The following PARN variants were observed in gnomAD, a reference collection of about 807,000 sequenced individuals.
PARN encodes the protein poly(A)-specific ribonuclease PARN.
PARN carries 71 observed loss-of-function variants against 102.8 expected under a neutral mutation model. The ratio of observed to expected loss-of-function variants is 0.69; its 90% CI spans 0.57 to 0.84. The LOEUF (loss-of-function observed/expected upper bound fraction) is 0.84. Ranked by LOEUF, PARN falls within the 40% of genes least tolerant of loss-of-function variation. The pLI is 0.00. For missense variants in PARN, 782 were observed against 760.9 expected (o/e 1.03, Z -0.33); for synonymous variants, 261 against 252.9 (o/e 1.03, Z -0.30).
rs528230528 is a variant in PARN at position 14,514,986 on chromosome 16, G to C, written c.1481-32159C>G. Among the ~76,000 whole-genome samples, 18 of 152,328 alleles carry C rather than the reference G, an allele frequency of 1.2e-4. No homozygotes were observed. The East Asian group carries it at 2.3e-3, about 20-fold the overall frequency. On this transcript the variant is annotated intron_variant, in intron 21 of 23. Transcript: ENST00000437198. ...TTCCATCATGTAACTTCTCTGTGGG[G>C]AGTAACACAGTATGTGGCCCAAAGA...
chr16:14,629,390 T>C (rs1045190803), intron 2 of PARN, among the ~76,000 whole-genome samples: 1 of 152,254 alleles, frequency 6.6e-6, no homozygotes, highest in African/African-American at 2.4e-5. Flanking sequence ...TCTGAGATCC[T>C]GAGTCCAATC....
chr16:14,472,353 T>C (rs1178569823), intron 22 of PARN, among the ~76,000 whole-genome samples: 1 of 152,220 alleles, frequency 6.6e-6, no homozygotes, highest in Non-Finnish European at 1.5e-5. Flanking sequence ...AACAGGCTGA[T>C]CCTTTCTTAC....
chr16:14,597,884 C>T (rs184226756), intron 12 of PARN, among the ~76,000 whole-genome samples: 2 of 152,270 alleles, frequency 1.3e-5, no homozygotes, highest in African/African-American at 4.8e-5. Context: ...TGGCTCACAC[C>T]TGTAAACCCA....
intron 11 of PARN, 64 bp downstream of exon 11, chr16:14,604,078 TAGAC>T (rs758646663): frequency 2.2e-6 from 2 of 916,922 alleles, no homozygotes; most frequent in Middle Eastern, 2.1e-4. Context: ...TGATCTGAAA[TAGAC>T]AGGAATAAAT....
intron 22 of PARN, among the ~76,000 whole-genome samples, chr16:14,447,940 AT>A (rs1567285028): frequency 2.6e-4 from 8 of 31,076 alleles, no homozygotes; most frequent in Non-Finnish European, 6.0e-4. Flanking sequence ...TTTAAATTTT[AT>A]CTATCTATCT....
Position 14,627,004 on chromosome 16 carries a change from G to C in PARN, c.327+102C>G. 5 of 697,304 alleles carry C rather than the reference G, an allele frequency of 7.2e-6. No individual in the cohort carries two copies. The South Asian group carries it at 8.3e-5, about 12-fold the overall frequency. The allele number at this position is 697,304 out of a possible 1,614,324, so 43.2% of individuals were successfully genotyped here. ...CTGAAGGTCAAAGGTGAAATGATTT[G>C]CCCCAAAGCCCAAAGTTAATAGAGA... On this transcript the variant is annotated intron_variant, in intron 5 of 23. Transcript: ENST00000437198.
chr16:14,529,468 C>T (rs1966199033), intron 21 of PARN, among the ~76,000 whole-genome samples: 1 of 152,186 alleles, frequency 6.6e-6, no homozygotes. Context: ...GGAATAGTAA[C>T]TGTAGGTCAC....
chr16:14,592,408 T>C (rs766359410), intron 13 of PARN, among the ~76,000 whole-genome samples: 10 of 151,904 alleles, frequency 6.6e-5, no homozygotes, highest in Admixed American at 1.3e-4. Context: ...GTGAGATCAC[T>C]AAAAGACAAA....
At chr16:14,442,878 G>A (rs1489969492) in intron 23 of PARN, among the ~76,000 whole-genome samples, 2 of 152,240 alleles carry the variant, frequency 1.3e-5, no homozygotes, top group Non-Finnish European at 2.9e-5. Flanking sequence ...ACCATGCCCA[G>A]CCCGCTTGGA....
chr16:14,521,385 G>C (rs952682614), intron 21 of PARN, among the ~76,000 whole-genome samples: 4 of 152,166 alleles, frequency 2.6e-5, no homozygotes, highest in African/African-American at 9.7e-5. Flanking sequence ...GCAAATCTCT[G>C]ACATGTGGTA....
At chr16:14,457,284 G>A (rs1026821167) in intron 22 of PARN, among the ~76,000 whole-genome samples, 3 of 152,120 alleles carry the variant, frequency 2.0e-5, no homozygotes, top group African/African-American at 7.2e-5. Context: ...ACCTCACACA[G>A]CAAAATGAAC....
intron 5 of PARN, among the ~76,000 whole-genome samples, chr16:14,626,166 A>C (rs1972645320): frequency 6.6e-6 from 1 of 152,162 alleles, no homozygotes. Flanking sequence ...GTCAGCATAA[A>C]TACTTGAACC....
intron 18 of PARN, among the ~76,000 whole-genome samples, chr16:14,566,018 T>C (rs1968406305): frequency 1.3e-5 from 2 of 152,190 alleles, no homozygotes; most frequent in African/African-American, 4.8e-5. Context: ...AAATAACTAT[T>C]ACCCACTTGC....
At chr16:14,603,250 T>C (rs1451017483) in intron 11 of PARN, among the ~76,000 whole-genome samples, 5 of 152,158 alleles carry the variant, frequency 3.3e-5, no homozygotes, top group Admixed American at 3.3e-4. Flanking sequence ...CTTTTGTTTC[T>C]GCGTTGTCCT....
chr16:14,573,390 C>T (rs2151737418), intron 18 of PARN, among the ~76,000 whole-genome samples: 1 of 152,262 alleles, frequency 6.6e-6, no homozygotes, highest in East Asian at 1.9e-4. Context: ...AGTCACCATG[C>T]TGTATAACAT....
chr16:14,537,896 AAAT>A (rs1375068650), intron 21 of PARN, among the ~76,000 whole-genome samples: 1 of 152,180 alleles, frequency 6.6e-6, no homozygotes, highest in African/African-American at 2.4e-5. Flanking sequence ...AAATGTGGTT[AAAT>A]AATAATTTAT....
chr16:14,514,179 T>C (rs1374205775), intron 21 of PARN, among the ~76,000 whole-genome samples: 1 of 152,078 alleles, frequency 6.6e-6, no homozygotes, highest in Non-Finnish European at 1.5e-5. Flanking sequence ...TTTAATGTAA[T>C]GTCATTAATT....
intron 5 of PARN, among the ~76,000 whole-genome samples, chr16:14,622,680 G>A (rs1972389032): frequency 6.6e-6 from 1 of 152,082 alleles, no homozygotes; most frequent in Non-Finnish European, 1.5e-5. Context: ...AATTTTTTTT[G>A]TATTTTTAGT....
rs1032066442 is a variant in PARN at position 14,446,807 on chromosome 16, T to C, written c.1864+81A>G. 6.1e-6 allele frequency: 6 copies of C among 982,762 alleles called. No individual in the cohort carries two copies. The Admixed American group carries it at 7.5e-5, about 12-fold the overall frequency. The allele number at this position is 982,762 out of a possible 1,614,324, so 60.9% of individuals were successfully genotyped here. On this transcript the variant is annotated intron_variant, in intron 23 of 23. Coordinates refer to ENST00000437198, the MANE Select transcript of PARN (RefSeq NM_002582.4). ...TTTGCCACCAAGTGAAGCCTTGCTA[T>C]AATTTCTCCCCCAAAATAGGAGTTT...
Sources: allele counts gnomAD v4.1 joint callset (sites outside exome capture counted in the v4.1 genomes callset), GRCh38; gene constraint gnomAD v4.1.1; transcripts MANE v1.5; gene names NCBI Gene and HGNC (gene_info 2026-07-23, HGNC 2026-07-21).